The following NCKAP5 variants were observed in gnomAD, a reference collection of about 807,000 sequenced individuals.
NCKAP5 encodes NCK associated protein 5, also known as nck-associated protein 5.
In NCKAP5, 92 loss-of-function variants were observed where a neutral mutation model predicts 167.0. That is an observed-to-expected ratio of 0.55 (90% CI 0.47 to 0.66). The LOEUF (loss-of-function observed/expected upper bound fraction) is 0.66, where lower values mean the gene tolerates loss of function less well. Among genes scored for constraint, NCKAP5 ranks in the 30% least tolerant of loss-of-function variants. NCKAP5 has a pLI of 0.00. For missense variants in NCKAP5, 2,378 were observed against 2,315.0 expected (o/e 1.03, Z -0.56); for synonymous variants, 891 against 877.4 (o/e 1.02, Z -0.27).
chr2:132,819,205 A>C (rs1369317592), intron 11 of NCKAP5, among the ~76,000 whole-genome samples: 1 of 152,060 alleles, frequency 6.6e-6, no homozygotes, highest in African/African-American at 2.4e-5. Context: ...CTGACTTCCC[A>C]CATGTGTGAA....
chr2:132,766,323 T>C (rs1046268258), intron 16 of NCKAP5, among the ~76,000 whole-genome samples: 7 of 133,324 alleles, frequency 5.3e-5, no homozygotes, highest in African/African-American at 2.0e-4. Flanking sequence ...TCATAAGGAA[T>C]GTAAACCATA....
intron 3 of NCKAP5, among the ~76,000 whole-genome samples, chr2:133,512,373 A>G (rs992476850): frequency 2.0e-5 from 3 of 152,230 alleles, no homozygotes; most frequent in Admixed American, 2.0e-4. Context: ...ATCAGCACCC[A>G]GGAAACGTAA....
chr2:132,833,197 T>C (rs1024987741), intron 11 of NCKAP5, among the ~76,000 whole-genome samples: 1 of 152,188 alleles, frequency 6.6e-6, no homozygotes, highest in Non-Finnish European at 1.5e-5. Flanking sequence ...TCATGTCCTT[T>C]ACCCCATTTT....
At chr2:132,803,746 C>T (rs1029606064) in intron 11 of NCKAP5, among the ~76,000 whole-genome samples, 2 of 152,210 alleles carry the variant, frequency 1.3e-5, no homozygotes, top group African/African-American at 4.8e-5. Context: ...TAGTCTAACA[C>T]TGATTTACGC....
intron 5 of NCKAP5, among the ~76,000 whole-genome samples, chr2:133,146,043 C>T (rs1340818847): frequency 6.6e-6 from 1 of 151,960 alleles, no homozygotes; most frequent in African/African-American, 2.4e-5. Context: ...TGCTCATGTT[C>T]ATATTTACAT....
chr2:133,147,003 T>G (rs1205447529), intron 5 of NCKAP5, among the ~76,000 whole-genome samples: 2 of 152,188 alleles, frequency 1.3e-5, no homozygotes, highest in Non-Finnish European at 2.9e-5. Context: ...TCAACAGAAG[T>G]GGTTTTGTAT....
chr2:133,231,612 G>A (rs2087151443), intron 4 of NCKAP5, among the ~76,000 whole-genome samples: 1 of 152,036 alleles, frequency 6.6e-6, no homozygotes, highest in Non-Finnish European at 1.5e-5. Flanking sequence ...CTAGCTATTT[G>A]CTCTGAAACA....
At chr2:133,000,107 A>G (rs1156785097) in intron 6 of NCKAP5, among the ~76,000 whole-genome samples, 4 of 152,178 alleles carry the variant, frequency 2.6e-5, no homozygotes, top group Non-Finnish European at 5.9e-5. Flanking sequence ...GAGAGGGTGC[A>G]AGAAGTGCCC....
In NCKAP5 at chr2:133,315,740, C is replaced by T. The variant is rs115121215; in HGVS notation, c.70-12630G>A. 3.7e-3 allele frequency among the ~76,000 whole-genome samples: 566 copies of T among 152,184 alleles called. 6 individuals are homozygous for T. The highest frequency in any genetic ancestry group is 0.013 in the African/African-American group (555 of 41,516). On this transcript the variant is annotated intron_variant, in intron 3 of 19. Coordinates refer to ENST00000409261, the MANE Select transcript of NCKAP5 (RefSeq NM_207363.3). ...AATCAGTGGTCAAGTAAGACAGGCCCCCAAATTGGCCACCAAATTGGCCAA... is the reference window on the plus strand; with the variant it reads ...AATCAGTGGTCAAGTAAGACAGGCCTCCAAATTGGCCACCAAATTGGCCAA...
intron 5 of NCKAP5, among the ~76,000 whole-genome samples, chr2:133,161,937 A>T (rs2083811559): frequency 6.6e-6 from 1 of 152,236 alleles, no homozygotes; most frequent in Non-Finnish European, 1.5e-5. Context: ...GGAGAAAAGT[A>T]CAGAGTTTTT....
chr2:133,154,297 T>C lies in NCKAP5; in HGVS notation c.208-24186A>G, dbSNP rs551202040. Among the ~76,000 whole-genome samples, 26 of 152,354 alleles carry C rather than the reference T, an allele frequency of 1.7e-4. No homozygotes were observed. The South Asian group carries it at 5.2e-3, about 30-fold the overall frequency. ...ATCACATGCTGTGATTATGTAACTG[T>C]TTGTGTTTCTGCCTCATTTGTGAGA... On this transcript the variant is annotated intron_variant, in intron 5 of 19. Transcript: ENST00000409261.
chr2:133,485,865 C>T (rs1680861377), intron 3 of NCKAP5, among the ~76,000 whole-genome samples: 1 of 152,110 alleles, frequency 6.6e-6, no homozygotes, highest in Non-Finnish European at 1.5e-5. Flanking sequence ...TGTAACTTTC[C>T]AGTATGTCTT....
chr2:132,840,058 T>C (rs1688190026), intron 11 of NCKAP5, among the ~76,000 whole-genome samples: 1 of 152,190 alleles, frequency 6.6e-6, no homozygotes, highest in Non-Finnish European at 1.5e-5. Context: ...CTATGGTCCA[T>C]ATGTAGCAGT....
intron 5 of NCKAP5, among the ~76,000 whole-genome samples, chr2:133,166,136 G>A (rs2083992901): frequency 6.6e-6 from 1 of 152,146 alleles, no homozygotes; most frequent in East Asian, 1.9e-4. Context: ...ATAGGAAACA[G>A]CTATAGAGAA....
intron 9 of NCKAP5, among the ~76,000 whole-genome samples, 174 bp downstream of exon 9, chr2:132,878,674 A>G (rs1308369074): frequency 2.0e-5 from 3 of 150,400 alleles, no homozygotes; most frequent in African/African-American, 4.9e-5. Context: ...ACACACACAC[A>G]CACCGCCCAC....
At chr2:132,907,751 G>A (rs745801802) in intron 8 of NCKAP5, among the ~76,000 whole-genome samples, 73 of 151,966 alleles carry the variant, frequency 4.8e-4, no homozygotes, top group African/African-American at 1.6e-3. Context: ...TCAGTCTCCC[G>A]GGTTCACGCC....
chr2:133,575,089 G>T, the NCKAP5 span, among the ~76,000 whole-genome samples: 1 of 152,148 alleles, frequency 6.6e-6, no homozygotes, highest in Admixed American at 6.5e-5. Flanking sequence ...CCAAACTCAG[G>T]CAAAGCCCAC....
At chr2:133,552,362 T>A (rs1441789511) in intron 2 of NCKAP5, among the ~76,000 whole-genome samples, 1 of 125,932 alleles carries the variant, frequency 7.9e-6, no homozygotes, top group Non-Finnish European at 1.6e-5. Context: ...CCAACAATGA[T>A]AGACTGGATT....
chr2:133,567,951 C>T (rs1688686119), intron 1 of NCKAP5, among the ~76,000 whole-genome samples: 1 of 152,158 alleles, frequency 6.6e-6, no homozygotes. Flanking sequence ...GACCTCCCTG[C>T]AGAGGCAAAT....
Sources: allele counts gnomAD v4.1 joint callset (sites outside exome capture counted in the v4.1 genomes callset), GRCh38; gene constraint gnomAD v4.1.1; transcripts MANE v1.5; gene names NCBI Gene and HGNC (gene_info 2026-07-23, HGNC 2026-07-21).